The following B3GALT1 variants were observed in gnomAD, a reference collection of about 807,000 sequenced individuals.
The protein encoded by B3GALT1 is UDP-Gal:betaGlcNAc beta 1,3-galactosyltransferase, polypeptide 1.
Under a neutral mutation model 23.2 loss-of-function variants are expected in B3GALT1, and 10 were observed. The ratio of observed to expected loss-of-function variants is 0.43; its 90% CI spans 0.27 to 0.73. The LOEUF is 0.73. Among genes scored for constraint, B3GALT1 ranks in the 30% least tolerant of loss-of-function variants. The pLI, the probability that B3GALT1 is intolerant of heterozygous loss-of-function variation, is 0.21. For synonymous variants in B3GALT1, 156 were observed against 141.5 expected, an observed-to-expected ratio of 1.10 and a Z score of -0.73; for missense variants, 299 against 405.4, an observed-to-expected ratio of 0.74 and a Z score of 2.25.
At chr2:167,588,280 G>A (rs188962205) in intron 2 of B3GALT1, among the ~76,000 whole-genome samples, 1 of 152,076 alleles carries the variant, frequency 6.6e-6, no homozygotes, top group African/African-American at 2.4e-5. Context: ...TAACATTGTG[G>A]TATATATTTC....
intron 2 of B3GALT1, among the ~76,000 whole-genome samples, chr2:167,631,198 T>C (rs1685435268): frequency 6.6e-6 from 1 of 151,914 alleles, no homozygotes; most frequent in Admixed American, 6.6e-5. Flanking sequence ...AATGAGACTC[T>C]TCTTTTGAAT....
intron 3 of B3GALT1, among the ~76,000 whole-genome samples, chr2:167,665,421 T>A (rs1234720198): frequency 6.7e-6 from 1 of 148,354 alleles, no homozygotes; most frequent in Non-Finnish European, 1.5e-5. Flanking sequence ...GGTCTAAAAT[T>A]CTCTTTTTTG....
At chr2:167,816,680 AAAGC>A (rs1291118394) in intron 3 of B3GALT1, among the ~76,000 whole-genome samples, 1 of 152,240 alleles carries the variant, frequency 6.6e-6, no homozygotes, top group Non-Finnish European at 1.5e-5. Flanking sequence ...AAATTCTACA[AAAGC>A]AAGGAAATGT....
At chr2:167,349,834 G>A (rs73017779) in intron 1 of B3GALT1, among the ~76,000 whole-genome samples, 2,788 of 152,198 alleles carry the variant, frequency 0.018, 98 homozygotes, top group African/African-American at 0.064. Flanking sequence ...TAAAGACGTA[G>A]TGTGTATCTT....
intron 1 of B3GALT1, among the ~76,000 whole-genome samples, chr2:167,460,558 A>C (rs1425741110): frequency 6.6e-6 from 1 of 151,568 alleles, no homozygotes; most frequent in African/African-American, 2.4e-5. Flanking sequence ...ACTTTAAGAG[A>C]GTTGTTTTAA....
chr2:167,833,784 T>G (rs1558995406), intron 4 of B3GALT1, among the ~76,000 whole-genome samples: 1 of 152,170 alleles, frequency 6.6e-6, no homozygotes, highest in Non-Finnish European at 1.5e-5. Context: ...AAATGACATC[T>G]TTAAGTAAAT....
intron 2 of B3GALT1, among the ~76,000 whole-genome samples, chr2:167,519,363 C>G (rs1461146229): frequency 6.6e-6 from 1 of 152,016 alleles, no homozygotes; most frequent in African/African-American, 2.4e-5. Context: ...CTGAGCAATA[C>G]CAAACTTAAA....
At chr2:167,673,136 A>G (rs1017294241) in intron 3 of B3GALT1, among the ~76,000 whole-genome samples, 1 of 152,170 alleles carries the variant, frequency 6.6e-6, no homozygotes, top group Non-Finnish European at 1.5e-5. Context: ...GGAGAACGTT[A>G]TAGAGCATCA....
At position 167,639,518 on chromosome 2, in the gene B3GALT1, A is replaced by G. The variant is rs148205923; in HGVS notation, c.-409-7391A>G. Among the ~76,000 whole-genome samples the G allele has an allele frequency of 4.1e-3, 625 of 152,160 alleles. 1 individual carries two copies. The highest frequency in any genetic ancestry group is 7.1e-3 in the Non-Finnish European group (484 of 67,972). The stretch of plus-strand genomic sequence containing the variant: ...TTTGGGTAACTCCTTCATAACTGTT[A>G]TTCATAGTAAATTTTTTAGTAAATT... On this transcript the variant is annotated intron_variant, in intron 2 of 4. Coordinates refer to ENST00000392690, the MANE Select transcript of B3GALT1 (RefSeq NM_020981.4).
At chr2:167,430,632 GA>G (rs5836140) in intron 1 of B3GALT1, among the ~76,000 whole-genome samples, 124,006 of 151,804 alleles carry the variant, frequency 0.82, 52,238 homozygotes, top group East Asian at 0.92. Flanking sequence ...GATGTCAGAG[GA>G]AAAAAAGAGG....
At chr2:167,508,846 A>G (rs1459265635) in intron 2 of B3GALT1, among the ~76,000 whole-genome samples, 1 of 152,236 alleles carries the variant, frequency 6.6e-6, no homozygotes, top group African/African-American at 2.4e-5. Context: ...CACCAAGTAC[A>G]CCAAAATAAA....
At chr2:167,630,342 A>G (rs1368493125) in intron 2 of B3GALT1, among the ~76,000 whole-genome samples, 1 of 151,752 alleles carries the variant, frequency 6.6e-6, no homozygotes, top group Non-Finnish European at 1.5e-5. Flanking sequence ...GAAGAAGCTC[A>G]TTGTTCTAGA....
chr2:167,514,681 GC>G (rs1344493154), intron 2 of B3GALT1, among the ~76,000 whole-genome samples: 3 of 152,156 alleles, frequency 2.0e-5, no homozygotes, highest in African/African-American at 7.2e-5. Context: ...CAAATAAACT[GC>G]ACAGAATAAT....
At chr2:167,700,363 A>C (rs2105509108) in intron 3 of B3GALT1, among the ~76,000 whole-genome samples, 1 of 152,230 alleles carries the variant, frequency 6.6e-6, no homozygotes, top group East Asian at 1.9e-4. Context: ...GTTTTTTGTT[A>C]TTTTCCTATT....
At chr2:167,433,875 G>T (rs1698739595) in intron 1 of B3GALT1, among the ~76,000 whole-genome samples, 2 of 152,066 alleles carry the variant, frequency 1.3e-5, no homozygotes, top group African/African-American at 4.8e-5. Context: ...TTACGGTGAG[G>T]TGTGACCATG....
At position 167,869,703 on chromosome 2, in the gene B3GALT1, A is replaced by G. The variant is rs927223237; in HGVS notation, c.664A>G (p.Met222Val). Residue 222 changes from methionine to valine, a missense_variant, in exon 5 of 5, where the codon ATG becomes GTG. Met to Val is a conservative substitution (Grantham distance 21). Around this residue, in one of 3 missense-constraint regions of B3GALT1, gnomAD observed 133 missense variants for 204.8 expected, o/e 0.65. Transcript: ENST00000392690. The surrounding 1 kb of genome is among the most constrained non-coding windows in gnomAD (Gnocchi z 6.4). ...TCGGGATGTCCGCAGTAAGTGGTAT[A>G]TGCCCAGGGATTTGTACCCAGACAG... ...PIRDVRSKWY[M>V]PRDLYPDSNY... The G allele has an allele frequency of 1.2e-6, 2 of 1,614,062 alleles. No individual in the cohort carries two copies. The highest frequency in any genetic ancestry group is 1.1e-5 in the South Asian group (1 of 91,084).
At chr2:167,618,821 C>T (rs753397736) in intron 2 of B3GALT1, among the ~76,000 whole-genome samples, 2 of 151,874 alleles carry the variant, frequency 1.3e-5, no homozygotes, top group East Asian at 1.9e-4. Flanking sequence ...TATTTCAGAG[C>T]GATGGAGTTG....
chr2:167,314,451 C>A (rs1423408933), intron 1 of B3GALT1, among the ~76,000 whole-genome samples: 1 of 152,146 alleles, frequency 6.6e-6, no homozygotes, highest in Non-Finnish European at 1.5e-5. Flanking sequence ...TGTTTGCCAG[C>A]TCCTCTGATA....
chr2:167,661,536 G>T (rs143100330), intron 3 of B3GALT1, among the ~76,000 whole-genome samples: 73 of 152,118 alleles, frequency 4.8e-4, no homozygotes, highest in African/African-American at 1.7e-3. Context: ...ACCTAGATGG[G>T]AGCCGTCCTG....
Sources: gnomAD v4.1 joint callset for allele counts (sites outside exome capture counted in the v4.1 genomes callset) on GRCh38, gnomAD v4.1.1 for gene constraint, gnomAD v4.1.1 regional missense constraint, Gnocchi (gnomAD v3.1) non-coding constraint, MANE v1.5 for transcripts, NCBI Gene and HGNC (gene_info 2026-07-23, HGNC 2026-07-21) for gene names.